Variants in SPAG9 observed in about 807,000 individuals in gnomAD.
The protein encoded by SPAG9 is C-Jun-amino-terminal kinase-interacting protein 4.
SPAG9 carries 35 observed loss-of-function variants against 166.5 expected under a neutral mutation model. The ratio of observed to expected loss-of-function variants is 0.21; its 90% CI spans 0.16 to 0.28. SPAG9 has a LOEUF of 0.28. Among genes scored for constraint, SPAG9 ranks in the 10% least tolerant of loss-of-function variants. SPAG9 has a pLI of 1.00. For synonymous variants in SPAG9, 534 were observed against 565.5 expected (o/e 0.94, Z 0.79); for missense variants, 1,235 against 1,603.3 (o/e 0.77, Z 3.92).
intron 2 of SPAG9, among the ~76,000 whole-genome samples, chr17:51,070,771 G>A (rs1861728998): frequency 6.6e-6 from 1 of 152,056 alleles, no homozygotes; most frequent in African/African-American, 2.4e-5. Flanking sequence ...TTCAACGTTT[G>A]TTCTGTTTCT....
chr17:51,059,181 A>T (rs2047437405), intron 2 of SPAG9, among the ~76,000 whole-genome samples: 2 of 152,198 alleles, frequency 1.3e-5, no homozygotes, highest in Non-Finnish European at 2.9e-5. Flanking sequence ...ACTAATCTGA[A>T]ATGTTACAAG....
intron 1 of SPAG9, among the ~76,000 whole-genome samples, chr17:51,098,781 T>A (rs2048714972): frequency 6.7e-6 from 1 of 150,098 alleles, no homozygotes; most frequent in Non-Finnish European, 1.5e-5. Flanking sequence ...CATGAGCCAC[T>A]GTGCCCAGCC....
At chr17:51,077,598 A>C (rs1299147856) in intron 2 of SPAG9, among the ~76,000 whole-genome samples, 1 of 152,070 alleles carries the variant, frequency 6.6e-6, no homozygotes, top group Non-Finnish European at 1.5e-5. Context: ...CTACAGTACT[A>C]TATCTATTAG....
intron 2 of SPAG9, among the ~76,000 whole-genome samples, chr17:51,058,917 CAAT>C: frequency 6.6e-6 from 1 of 152,194 alleles, no homozygotes; most frequent in Non-Finnish European, 1.5e-5. Context: ...TATCACAAAA[CAAT>C]GTCATTGCTA....
intron 6 of SPAG9, among the ~76,000 whole-genome samples, chr17:51,030,609 A>C (rs1048419580): frequency 1.3e-5 from 2 of 152,202 alleles, no homozygotes; most frequent in African/African-American, 4.8e-5. Context: ...GTTTCAAATA[A>C]TTTGACTCCT....
intron 4 of SPAG9, among the ~76,000 whole-genome samples, chr17:51,046,198 G>A (rs971819104): frequency 2.6e-5 from 4 of 152,068 alleles, no homozygotes; most frequent in African/African-American, 4.8e-5. Context: ...ACTTGGAGCC[G>A]GTGCTCTACT....
At chr17:51,106,102 TACACACACACACACACACACAC>T (rs71149344) in intron 1 of SPAG9, among the ~76,000 whole-genome samples, 33 of 110,654 alleles carry the variant, frequency 3.0e-4, no homozygotes, top group South Asian at 1.1e-3. Flanking sequence ...CCCCCATCTC[TACACACACACACACACACACAC>T]ACACACACAC....
intron 6 of SPAG9, among the ~76,000 whole-genome samples, chr17:51,028,355 C>G (rs2046269171): frequency 1.3e-5 from 2 of 152,154 alleles, no homozygotes; most frequent in Admixed American, 6.5e-5. Flanking sequence ...CATATTCACT[C>G]ACTGCTCACT....
At chr17:51,046,453 T>C in intron 4 of SPAG9, 1 of 1,401,194 alleles carries the variant, frequency 7.1e-7, no homozygotes, top group Non-Finnish European at 9.6e-7. Flanking sequence ...AGCTAAAAAT[T>C]TAATAAAAAC....
chr17:51,053,201 A>G (rs1159259582), intron 3 of SPAG9, among the ~76,000 whole-genome samples: 2 of 150,332 alleles, frequency 1.3e-5, no homozygotes, highest in Admixed American at 1.3e-4. Flanking sequence ...AAATATATTT[A>G]TAATATATTT....
intron 29 of SPAG9, among the ~76,000 whole-genome samples, chr17:50,968,339 C>T (rs1296540341): frequency 3.3e-5 from 5 of 152,086 alleles, no homozygotes; most frequent in Admixed American, 2.6e-4. Flanking sequence ...TGTTACTGAT[C>T]TACAACACTA....
intron 1 of SPAG9, among the ~76,000 whole-genome samples, chr17:51,112,459 G>A (rs979476122): frequency 6.6e-6 from 1 of 151,066 alleles, no homozygotes; most frequent in Non-Finnish European, 1.5e-5. Context: ...GATGACTTGA[G>A]GTCGAGATCA....
At chr17:51,015,243 T>G (rs2045648301) in intron 8 of SPAG9, among the ~76,000 whole-genome samples, 1 of 152,012 alleles carries the variant, frequency 6.6e-6, no homozygotes, top group Non-Finnish European at 1.5e-5. Context: ...GAGGTCAATA[T>G]GCTGCCAGAA....
rs527840442 is a variant in SPAG9 at position 51,040,027 on chromosome 17, G to A, written c.741+1474C>T. ...AGGCGGGTGGATCACCTGAGGTCAGGAGTTCGAGGTCAGCCTGACCAACAT... is the reference window on the plus strand; with the variant it reads ...AGGCGGGTGGATCACCTGAGGTCAGAAGTTCGAGGTCAGCCTGACCAACAT... On this transcript the variant is annotated intron_variant, in intron 5 of 29. Coordinates refer to ENST00000262013, the MANE Select transcript of SPAG9 (RefSeq NM_001130528.3). Among the ~76,000 whole-genome samples the A allele has an allele frequency of 6.6e-5, 10 of 152,246 alleles. No homozygotes were observed. In the South Asian group the frequency reaches 2.1e-3, roughly 32 times the overall value.
At chr17:51,005,008 G>A (rs2045140837) in intron 12 of SPAG9, among the ~76,000 whole-genome samples, 1 of 152,164 alleles carries the variant, frequency 6.6e-6, no homozygotes, top group South Asian at 2.1e-4. Context: ...GGCACAGAGG[G>A]AAAATGAGCA....
chr17:51,052,285 T>C (rs2047204108), intron 3 of SPAG9, among the ~76,000 whole-genome samples: 1 of 152,344 alleles, frequency 6.6e-6, no homozygotes, highest in Middle Eastern at 3.4e-3. Context: ...CCTAGTTCTT[T>C]GGCTTTAGAT....
At chr17:51,100,737 T>A (rs1394042850) in intron 1 of SPAG9, among the ~76,000 whole-genome samples, 1 of 151,938 alleles carries the variant, frequency 6.6e-6, no homozygotes, top group African/African-American at 2.4e-5. Context: ...CTGACTAACA[T>A]GGAGAAACCC....
At chr17:51,001,429 G>C (rs1223892234) in intron 13 of SPAG9, among the ~76,000 whole-genome samples, 1 of 152,122 alleles carries the variant, frequency 6.6e-6, no homozygotes, top group Non-Finnish European at 1.5e-5. Context: ...ACATTACTGG[G>C]TAAGTAGTAT....
At chr17:51,046,747 T>C in intron 4 of SPAG9, 2 of 1,535,552 alleles carry the variant, frequency 1.3e-6, no homozygotes, top group Non-Finnish European at 1.7e-6. Context: ...GATCTGTCAT[T>C]CAGCTTGCTG....
Sources: gnomAD v4.1 joint callset for allele counts (sites outside exome capture counted in the v4.1 genomes callset) on GRCh38, gnomAD v4.1.1 for gene constraint, MANE v1.5 for transcripts, NCBI Gene and HGNC (gene_info 2026-07-23, HGNC 2026-07-21) for gene names.